The following KIAA1549L variants were observed in gnomAD, a reference collection of about 807,000 sequenced individuals.
The protein encoded by KIAA1549L is UPF0606 protein KIAA1549L.
Under a neutral mutation model 160.7 loss-of-function variants are expected in KIAA1549L, and 88 were observed. That is an observed-to-expected ratio of 0.55 (90% CI 0.46 to 0.65). KIAA1549L has a LOEUF of 0.65. Among genes scored for constraint, KIAA1549L ranks in the 30% least tolerant of loss-of-function variants. The pLI, the probability that KIAA1549L is intolerant of heterozygous loss-of-function variation, is 0.00. For missense variants in KIAA1549L, 2,258 were observed against 2,437.5 expected (o/e 0.93, Z 1.55); for synonymous variants, 950 against 976.7 (o/e 0.97, Z 0.51).
At position 33,543,821 on chromosome 11, in the gene KIAA1549L, C is replaced by G; in HGVS notation, c.2258C>G (p.Ala753Gly). The change falls in exon 2 of 21, where the codon GCC becomes GGC. Residue 753 changes from alanine (A) to glycine (G), a missense_variant. Transcript: ENST00000658780. ...AATGGTTTAACTTCAGCTGCCGATG[C>G]CATAAAATCTCAGGATTTCAAAGAT... ...PPNGLTSAADAIKSQDFKDTA... is the reference protein window; with the variant it reads ...PPNGLTSAADGIKSQDFKDTA... 6.2e-7 allele frequency: 1 copy of G among 1,614,028 alleles called. No homozygotes were observed. The highest frequency in any genetic ancestry group is 1.3e-5 in the African/African-American group (1 of 75,056).
chr11:33,429,020 G>A (rs1176574184), intron 1 of KIAA1549L, among the ~76,000 whole-genome samples: 1 of 152,192 alleles, frequency 6.6e-6, no homozygotes, highest in Non-Finnish European at 1.5e-5. Context: ...CACCCAGGCT[G>A]GAGTGCAATG....
chr11:33,655,981 A>C (rs779922072), intron 17 of KIAA1549L, 31 bp from the exon 18 acceptor site: 8 of 1,518,912 alleles, frequency 5.3e-6, no homozygotes, highest in Admixed American at 5.0e-5. Flanking sequence ...GGTGTTAACA[A>C]CTCTCCCTGT....
chr11:33,508,715 G>A (rs1853153630), intron 1 of KIAA1549L, among the ~76,000 whole-genome samples: 1 of 152,124 alleles, frequency 6.6e-6, no homozygotes, highest in Admixed American at 6.5e-5. Context: ...ATGAGAAGTA[G>A]GTACATTTAC....
chr11:33,463,338 T>C (rs1200185488), intron 1 of KIAA1549L, among the ~76,000 whole-genome samples: 1 of 152,192 alleles, frequency 6.6e-6, no homozygotes, highest in African/African-American at 2.4e-5. Context: ...CTTCCTTTTT[T>C]ATTTTAATTT....
intron 1 of KIAA1549L, among the ~76,000 whole-genome samples, chr11:33,420,335 C>T (rs902087814): frequency 1.3e-5 from 2 of 150,276 alleles, no homozygotes; most frequent in African/African-American, 4.9e-5. Context: ...CTCAAGCAAC[C>T]CTCCCACCTC....
chr11:33,475,687 C>T (rs1277374582), intron 1 of KIAA1549L, among the ~76,000 whole-genome samples: 2 of 139,554 alleles, frequency 1.4e-5, no homozygotes, highest in African/African-American at 2.8e-5. Context: ...ACCCTCATCT[C>T]GCTCTCTCAA....
intron 17 of KIAA1549L, among the ~76,000 whole-genome samples, chr11:33,650,017 A>G (rs1851840651): frequency 6.6e-6 from 1 of 152,218 alleles, no homozygotes; most frequent in Non-Finnish European, 1.5e-5. Context: ...ACCTCTGGTT[A>G]TACAAAAGTT....
intron 16 of KIAA1549L, among the ~76,000 whole-genome samples, chr11:33,622,968 A>G (rs4755771): frequency 0.6 from 90,501 of 152,060 alleles, 26,937 homozygotes; most frequent in Middle Eastern, 0.65. Context: ...CTGGAAGGAG[A>G]TGAAGGAATT....
chr11:33,434,203 A>T (rs1851309980), intron 1 of KIAA1549L, among the ~76,000 whole-genome samples: 1 of 152,100 alleles, frequency 6.6e-6, no homozygotes, highest in Non-Finnish European at 1.5e-5. Flanking sequence ...GAGATAATTG[A>T]ATCATGGGGG....
chr11:33,578,146 G>T (rs1036362338), intron 10 of KIAA1549L, among the ~76,000 whole-genome samples: 3 of 152,180 alleles, frequency 2.0e-5, no homozygotes, highest in African/African-American at 7.2e-5. Flanking sequence ...TGAGGCTAAG[G>T]GACTTTGCTG....
intron 1 of KIAA1549L, among the ~76,000 whole-genome samples, chr11:33,431,653 A>G (rs1019754568): frequency 6.6e-6 from 1 of 152,228 alleles, no homozygotes; most frequent in African/African-American, 2.4e-5. Context: ...CCAAGGCCCC[A>G]CCAGACTCAG....
At chr11:33,625,067 G>T (rs1851063292) in intron 16 of KIAA1549L, among the ~76,000 whole-genome samples, 1 of 151,688 alleles carries the variant, frequency 6.6e-6, no homozygotes, top group Non-Finnish European at 1.5e-5. Flanking sequence ...TTTCATCCAT[G>T]TCCCTACAAA....
intron 1 of KIAA1549L, among the ~76,000 whole-genome samples, chr11:33,479,480 G>T (rs1448523544): frequency 6.6e-6 from 1 of 152,226 alleles, no homozygotes; most frequent in African/African-American, 2.4e-5. Flanking sequence ...TGGGCAGGAG[G>T]TCTGGGCTGC....
intron 1 of KIAA1549L, among the ~76,000 whole-genome samples, chr11:33,423,779 G>A (rs189116069): frequency 2.0e-5 from 3 of 152,314 alleles, no homozygotes; most frequent in Non-Finnish European, 4.4e-5. Flanking sequence ...TGTAATTCGA[G>A]CACTTTGGGA....
intron 1 of KIAA1549L, among the ~76,000 whole-genome samples, chr11:33,508,693 T>C (rs1189364180): frequency 1.3e-5 from 2 of 152,180 alleles, no homozygotes; most frequent in African/African-American, 2.4e-5. Flanking sequence ...TCATGACACA[T>C]CACACAGTTG....
chr11:33,560,956 A>G (rs866763922), intron 7 of KIAA1549L, among the ~76,000 whole-genome samples: 1 of 152,138 alleles, frequency 6.6e-6, no homozygotes, highest in African/African-American at 2.4e-5. Flanking sequence ...ACATGTCAGC[A>G]TGTGAAGACT....
chr11:33,387,129 A>G (rs1035743149), intron 1 of KIAA1549L, among the ~76,000 whole-genome samples: 14 of 152,122 alleles, frequency 9.2e-5, no homozygotes, highest in Admixed American at 8.5e-4. Context: ...TAAATAAAAT[A>G]AAATAAAATG....
intron 11 of KIAA1549L, among the ~76,000 whole-genome samples, chr11:33,587,849 C>A (rs1261280227): frequency 2.0e-5 from 3 of 152,278 alleles, no homozygotes; most frequent in Non-Finnish European, 4.4e-5. Flanking sequence ...GCTGTTGGAG[C>A]CTCCCACTTC....
intron 11 of KIAA1549L, among the ~76,000 whole-genome samples, chr11:33,589,346 G>A (rs7123643): frequency 0.2 from 30,644 of 152,006 alleles, 3,533 homozygotes; most frequent in East Asian, 0.37. Context: ...TGTGGAAGTC[G>A]GTGTGGCGAT....
Sources: allele counts gnomAD v4.1 joint callset (sites outside exome capture counted in the v4.1 genomes callset), GRCh38; gene constraint gnomAD v4.1.1; transcripts MANE v1.5; gene names NCBI Gene and HGNC (gene_info 2026-07-23, HGNC 2026-07-21).